The following FETUB variants were observed in gnomAD, a reference collection of about 807,000 sequenced individuals.
FETUB encodes the protein fetuin B, also known as fetuin-B.
FETUB carries 28 observed loss-of-function variants against 30.9 expected under a neutral mutation model. The ratio of observed to expected loss-of-function variants is 0.90; its 90% CI spans 0.67 to 1.24. The LOEUF (loss-of-function observed/expected upper bound fraction) is 1.24. Ranked by LOEUF, FETUB falls within the 50% of genes most tolerant of loss-of-function variation. The pLI is 0.00. For missense variants in FETUB, 469 were observed against 455.3 expected (o/e 1.03, Z -0.27); for synonymous variants, 186 against 175.9 (o/e 1.06, Z -0.45).
intron 5 of FETUB, among the ~76,000 whole-genome samples, chr3:186,649,165 C>G (rs1447110855): frequency 6.6e-6 from 1 of 152,202 alleles, no homozygotes; most frequent in Non-Finnish European, 1.5e-5. Flanking sequence ...TCTCTGAGAG[C>G]CCCTCCTCTT....
chr3:186,653,098 T>C lies in FETUB; in HGVS notation c.*467T>C, dbSNP rs1718200044. 1 of 155,454 alleles carries C rather than the reference T, an allele frequency of 6.4e-6. No homozygotes were observed. Among genetic ancestry groups the C allele is most frequent in the Non-Finnish European group, 1.4e-5 (1 of 69,972 alleles). 9.6% of individuals were successfully genotyped at this position (155,454 alleles called of 1,614,324 possible). A position where few individuals can be genotyped will look rare whatever the true frequency, so the allele number is the denominator to read the frequency against. The stretch of plus-strand genomic sequence containing the variant: ...ACAGGTATTAGCTGCGTAGGGCCCA[T>C]ACCATTTCCAACCCTCTACCTCTTT... On this transcript the variant is annotated 3_prime_UTR_variant, in exon 7 of 7. Transcript: ENST00000265029.
chr3:186,639,134 C>T (rs7624794), upstream of FETUB, among the ~76,000 whole-genome samples: 171 of 152,196 alleles, frequency 1.1e-3, no homozygotes, highest in African/African-American at 2.6e-3. Context: ...AGTCTAAGAT[C>T]GAGGGGCTAT....
At chr3:186,651,354 T>C (rs1718020009) in intron 6 of FETUB, 53 bp downstream of exon 6, 1 of 1,158,058 alleles carries the variant, frequency 8.6e-7, no homozygotes, top group Non-Finnish European at 1.3e-6. Flanking sequence ...AGATTATCGA[T>C]AGTTACCTGC....
At position 186,652,459 on chromosome 3, in the gene FETUB, T is replaced by G; in HGVS notation, c.977T>G (p.Val326Gly). 6.2e-7 allele frequency: 1 copy of G among 1,614,134 alleles called. No homozygotes were observed. Among genetic ancestry groups the G allele is most frequent in the African/African-American group, 1.3e-5 (1 of 75,038 alleles). The change falls in exon 7 of 7, where the codon GTG becomes GGG. Residue 326 changes from valine to glycine, a missense_variant. Transcript: ENST00000265029. Reference protein sequence around the residue: ...QEKGPQEAFPVHLDLTTNPQG... With the variant: ...QEKGPQEAFPGHLDLTTNPQG... ...AAGGGCCCTCAGGAGGCCTTTCCTG[T>G]GCATCTGGACCTAACCACGAATCCC...
intron 6 of FETUB, 85 bp from the exon 7 acceptor site, chr3:186,652,178 A>G: frequency 1.4e-6 from 2 of 1,440,760 alleles, no homozygotes; most frequent in Admixed American, 4.8e-5. Flanking sequence ...GTTCCAACAG[A>G]AAGGCACAGA....
chr3:186,645,873 T>C (rs1717481134), intron 4 of FETUB, among the ~76,000 whole-genome samples: 1 of 151,854 alleles, frequency 6.6e-6, no homozygotes, highest in African/African-American at 2.4e-5. Context: ...ATTACAGGCA[T>C]GCGCCACCAT....
chr3:186,645,024 A>G, intron 4 of FETUB, 104 bp downstream of exon 4: 1 of 839,066 alleles, frequency 1.2e-6, no homozygotes, highest in Non-Finnish European at 1.8e-6. Flanking sequence ...TTTGATTAGA[A>G]CCAAAATACC....
Position 186,640,596 on chromosome 3 carries a change from G to A in FETUB, c.136G>A (p.Gly46Ser). The change falls in exon 1 of 7, where the codon GGC becomes AGC. Residue 46 changes from glycine to serine, a missense_variant. Transcript: ENST00000265029. ...TGACTCAGATGTGCTGGCAGTTGCA[G>A]GCTTTGCCCTGCGGGATATTAACAA... is the stretch of plus-strand genomic sequence containing the variant. ...CNDSDVLAVA[G>S]FALRDINKDR... is the part of the protein sequence containing the mutation. 6.2e-7 allele frequency: 1 copy of A among 1,614,212 alleles called. No homozygotes were observed. Among genetic ancestry groups the A allele is most frequent in the Non-Finnish European group, 8.5e-7 (1 of 1,180,032 alleles).
chr3:186,640,743 C>T, intron 1 of FETUB, 58 bp downstream of exon 1: 1 of 1,427,668 alleles, frequency 7.0e-7, no homozygotes, highest in South Asian at 1.2e-5. Flanking sequence ...GAGAGACTGG[C>T]CAGGGTGAGG....
rs147246617 is a variant in FETUB at position 186,651,660 on chromosome 3, G to A, written c.780+359G>A. 2.4e-3 allele frequency: 597 copies of A among 247,288 alleles called. 6 individuals carry two copies. The highest frequency in any genetic ancestry group is 0.012 in the African/African-American group (533 of 44,212). The allele number at this position is 247,288 out of a possible 1,614,324, so 15.3% of individuals were successfully genotyped here. A position where few individuals can be genotyped will look rare whatever the true frequency, so the allele number is the denominator to read the frequency against. ...ATCCCTTTCCAGAAGTGTTTATTGC[G>A]CACTTATTATAAGGTAGCCTGGTAT... is the stretch of plus-strand genomic sequence containing the variant. On this transcript the variant is annotated intron_variant, in intron 6 of 6. Coordinates refer to ENST00000265029, the MANE Select transcript of FETUB (RefSeq NM_014375.3).
chr3:186,651,130 G>T, intron 5 of FETUB, 88 bp from the exon 6 acceptor site: 1 of 826,342 alleles, frequency 1.2e-6, no homozygotes, highest in Non-Finnish European at 2.1e-6. Context: ...AATGTTGATT[G>T]GCTGTGTATC....
At chr3:186,640,844 C>T (rs572000368) in intron 1 of FETUB, among the ~76,000 whole-genome samples, 159 bp downstream of exon 1, 2 of 152,252 alleles carry the variant, frequency 1.3e-5, no homozygotes, top group East Asian at 3.9e-4. Flanking sequence ...CAACAACGCA[C>T]TTATTGTTAG....
chr3:186,643,407 C>T (rs1013317313), intron 3 of FETUB, among the ~76,000 whole-genome samples: 10 of 152,300 alleles, frequency 6.6e-5, no homozygotes, highest in East Asian at 1.9e-4. Context: ...GGTCCCCTGT[C>T]GAACAACTAC....
chr3:186,639,754 G>T (rs750673250), upstream of FETUB, among the ~76,000 whole-genome samples: 5 of 151,554 alleles, frequency 3.3e-5, no homozygotes, highest in African/African-American at 4.9e-5. Context: ...TGGGGCTTTA[G>T]TCTCTTAATG....
intron 3 of FETUB, among the ~76,000 whole-genome samples, chr3:186,644,506 T>C (rs557064004): frequency 6.6e-6 from 1 of 152,304 alleles, no homozygotes; most frequent in Admixed American, 6.5e-5. Context: ...ATATACTATA[T>C]TATGTGTCTT....
At position 186,645,976 on chromosome 3, in the gene FETUB, C is replaced by T. The variant is rs941472012; in HGVS notation, c.595-272C>T. ...TCCTGACCTCGTGATCCGCCCGCCT[C>T]GGCCTCCCAAAGTGCTGGGATTACA... On this transcript the variant is annotated intron_variant, in intron 4 of 6. Coordinates refer to ENST00000265029, the MANE Select transcript of FETUB (RefSeq NM_014375.3). 4.0e-5 allele frequency among the ~76,000 whole-genome samples: 6 copies of T among 151,676 alleles called. No individual in the cohort carries two copies. In the South Asian group the frequency reaches 6.2e-4, roughly 16 times the overall value.
rs185244357 is a variant in FETUB, at chr3:186,644,087, T to C, written c.425-664T>C. ...TTGTGATCGGATTAGGTTATTAGTA[T>C]ATCCATCATCTCAAACCTTTATCAC... is the stretch of plus-strand genomic sequence containing the variant. On this transcript the variant is annotated intron_variant, in intron 3 of 6. Coordinates refer to ENST00000265029, the MANE Select transcript of FETUB (RefSeq NM_014375.3). Among the ~76,000 whole-genome samples the C allele has an allele frequency of 3.3e-5, 5 of 152,350 alleles. No individual in the cohort carries two copies. The East Asian group carries it at 9.6e-4, about 29-fold the overall frequency.
upstream of FETUB, among the ~76,000 whole-genome samples, chr3:186,640,178 G>C (rs1314914955): frequency 6.6e-6 from 1 of 152,192 alleles, no homozygotes; most frequent in Non-Finnish European, 1.5e-5. Context: ...AATCATAAGA[G>C]CCTTGAACAA....
rs777448278 is a variant in FETUB at position 186,642,552 on chromosome 3, C to T, written c.418C>T (p.Arg140Cys). The T allele has an allele frequency of 6.9e-6, 11 of 1,584,606 alleles. No individual in the cohort carries two copies. The highest frequency in any genetic ancestry group is 1.7e-4 in the Middle Eastern group (1 of 6,006). ...TTTAGCTGCTTATAACTGTACTCTTCGCCCAGGTAAGAAATCACTACGATT... is the reference window on the plus strand; with the variant it reads ...TTTAGCTGCTTATAACTGTACTCTTTGCCCAGGTAAGAAATCACTACGATT... ...LYLAAYNCTL[R>C]PVSKKKIYMT... Residue 140 changes from arginine to cysteine, a missense_variant, in exon 3 of 7, where the codon CGC (arginine) becomes TGC (cysteine). Arg to Cys is a radical substitution (Grantham distance 180, BLOSUM62 -3). Coordinates refer to ENST00000265029, the MANE Select transcript of FETUB (RefSeq NM_014375.3).
Sources: gnomAD v4.1 joint callset for allele counts (sites outside exome capture counted in the v4.1 genomes callset) on GRCh38, gnomAD v4.1.1 for gene constraint, MANE v1.5 for transcripts, NCBI Gene and HGNC (gene_info 2026-07-23, HGNC 2026-07-21) for gene names.